Variants in NEK1 observed in about 807,000 individuals in gnomAD.
NEK1 encodes NIMA related kinase 1.
A neutral mutation model predicts 182.1 loss-of-function variants in NEK1; 137 were observed. The observed-to-expected ratio is 0.75, with a 90% CI of 0.65 to 0.87. The LOEUF is 0.87. Ranked by LOEUF, NEK1 falls within the 40% of genes least tolerant of loss-of-function variation. The pLI, the probability that NEK1 is intolerant of heterozygous loss-of-function variation, is 0.00. For missense variants in NEK1, 1,391 were observed against 1,494.4 expected (o/e 0.93, Z 1.14); for synonymous variants, 513 against 492.2 (o/e 1.04, Z -0.56).
chr4:169,560,379 A>T (rs990602562), intron 16 of NEK1, among the ~76,000 whole-genome samples: 3 of 152,224 alleles, frequency 2.0e-5, no homozygotes, highest in Admixed American at 6.5e-5. Flanking sequence ...GTTTTGCCAC[A>T]TGAATGTTTA....
Position 169,599,101 on chromosome 4 carries a change from T to C in NEK1, c.311A>G (p.Gln104Arg), listed in dbSNP as rs1221097220. 3 of 1,611,654 alleles carry C rather than the reference T, an allele frequency of 1.9e-6. No homozygotes were observed. Among genetic ancestry groups the C allele is most frequent in the South Asian group, 2.2e-5 (2 of 90,936 alleles). ...AQKGVLFQED[Q>R]ILDWFVQICL... ...TCAATTTCCTAAATGCAAACTTACCTGATCCTCTTGAAACAAAACGCCTTT... is the reference window on the plus strand; with the variant it reads ...TCAATTTCCTAAATGCAAACTTACCCGATCCTCTTGAAACAAAACGCCTTT... Residue 104 changes from glutamine to arginine, a missense_variant and splice_region_variant, in exon 5 of 36, where the codon CAG becomes CGG. Gln to Arg is a conservative substitution (Grantham distance 43). Coordinates refer to ENST00000507142, the MANE Select transcript of NEK1 (RefSeq NM_001199397.3).
At chr4:169,506,969 T>A in intron 23 of NEK1, 68 bp downstream of exon 23, 1 of 981,894 alleles carries the variant, frequency 1.0e-6, no homozygotes, top group Non-Finnish European at 1.5e-6. Flanking sequence ...ATAATACTGA[T>A]GTACTACCCA....
intron 12 of NEK1, among the ~76,000 whole-genome samples, chr4:169,572,771 T>A (rs1765075741): frequency 6.6e-6 from 1 of 152,008 alleles, no homozygotes; most frequent in African/African-American, 2.4e-5. Context: ...GGCAATCAAG[T>A]GAGTCAAAAA....
chr4:169,499,616 C>A (rs1220089269), intron 23 of NEK1, among the ~76,000 whole-genome samples: 1 of 152,176 alleles, frequency 6.6e-6, no homozygotes, highest in African/African-American at 2.4e-5. Flanking sequence ...GTTTTCCCCC[C>A]AACAGTCAGG....
Position 169,433,528 on chromosome 4 carries a change from G to A in NEK1, c.2885+17C>T. 2.5e-6 allele frequency: 4 copies of A among 1,590,448 alleles called. No homozygotes were observed. Among genetic ancestry groups the A allele is most frequent in the Non-Finnish European group, 2.6e-6 (3 of 1,171,556 alleles). On this transcript the variant is annotated intron_variant, in intron 29 of 35. Coordinates refer to ENST00000507142, the MANE Select transcript of NEK1 (RefSeq NM_001199397.3). Reference sequence around the variant, plus strand: ...AAGGGACCTGGGTTTTAAAATGTCAGGAAAAGATGTACATACTGAGTTTCC... The same window carrying A: ...AAGGGACCTGGGTTTTAAAATGTCAAGAAAAGATGTACATACTGAGTTTCC...
intron 16 of NEK1, among the ~76,000 whole-genome samples, chr4:169,557,893 T>G (rs566318393): frequency 1.3e-4 from 20 of 152,250 alleles, no homozygotes; most frequent in African/African-American, 4.1e-4. Flanking sequence ...ATCCCACCAC[T>G]GCAATCTAGC....
At chr4:169,431,555 C>T (rs558367129) in intron 29 of NEK1, among the ~76,000 whole-genome samples, 19 of 151,854 alleles carry the variant, frequency 1.3e-4, no homozygotes, top group African/African-American at 4.3e-4. Context: ...CAAACAGACT[C>T]AAATCTATAA....
chr4:169,437,931 A>C (rs1738725723), intron 28 of NEK1, among the ~76,000 whole-genome samples, 152 bp downstream of exon 28: 1 of 152,246 alleles, frequency 6.6e-6, no homozygotes, highest in Non-Finnish European at 1.5e-5. Context: ...AGTCATAAAA[A>C]AAAGACCAAT....
At chr4:169,443,097 A>ATCTC (rs1289435417) in intron 27 of NEK1, among the ~76,000 whole-genome samples, 6 of 148,370 alleles carry the variant, frequency 4.0e-5, no homozygotes, top group African/African-American at 1.5e-4. Context: ...CTATCTATCT[A>ATCTC]TCTATCTCAT....
chr4:169,463,328 A>G lies in NEK1; in HGVS notation c.2502T>C (p.Ser834=). The G allele has an allele frequency of 6.2e-7, 1 of 1,610,466 alleles. No homozygotes were observed. Among genetic ancestry groups the G allele is most frequent in the African/African-American group, 1.3e-5 (1 of 74,930 alleles). Residue 834 remains serine, a synonymous_variant, in exon 27 of 36, where the codon AGT becomes AGC. Coordinates refer to ENST00000507142, the MANE Select transcript of NEK1 (RefSeq NM_001199397.3). ...NGSPRRAWGK[S]PTDSVLKILG... Reference sequence around the variant, plus strand: ...GTATCTTTAGAACAGAATCTGTCGGACTTTTCCCCCAGGCTCTTCTTGGAG... The same window carrying G: ...GTATCTTTAGAACAGAATCTGTCGGGCTTTTCCCCCAGGCTCTTCTTGGAG...
chr4:169,578,623 A>G (rs1766097705), intron 11 of NEK1, among the ~76,000 whole-genome samples: 1 of 152,226 alleles, frequency 6.6e-6, no homozygotes, highest in Non-Finnish European at 1.5e-5. Flanking sequence ...AGTTATGCAT[A>G]TATCATCACA....
At chr4:169,507,866 A>G in intron 21 of NEK1, 74 bp from the exon 22 acceptor site, 1 of 1,078,114 alleles carries the variant, frequency 9.3e-7, no homozygotes, top group East Asian at 2.4e-5. Flanking sequence ...GTGAAAGATA[A>G]CAATGAATAA....
chr4:169,403,878 A>T (rs1008230728), intron 32 of NEK1, among the ~76,000 whole-genome samples: 6 of 151,414 alleles, frequency 4.0e-5, no homozygotes, highest in East Asian at 1.9e-4. Flanking sequence ...AGACAAAAAA[A>T]AATAATAATA....
chr4:169,425,793 C>T (rs896199382), intron 30 of NEK1, among the ~76,000 whole-genome samples: 1 of 152,188 alleles, frequency 6.6e-6, no homozygotes, highest in Non-Finnish European at 1.5e-5. Flanking sequence ...GCTGGGATTA[C>T]AGGTGTAAGC....
intron 27 of NEK1, among the ~76,000 whole-genome samples, chr4:169,439,747 T>C (rs1458148956): frequency 6.6e-6 from 1 of 151,904 alleles, no homozygotes; most frequent in East Asian, 1.9e-4. Flanking sequence ...GAAAGCTTAA[T>C]AGATTTAGTA....
intron 27 of NEK1, among the ~76,000 whole-genome samples, chr4:169,451,952 A>G (rs1741877374): frequency 6.6e-6 from 1 of 152,366 alleles, no homozygotes; most frequent in Admixed American, 6.5e-5. Flanking sequence ...TAAAGGGGAT[A>G]TCACCACCAA....
At chr4:169,607,611 T>C (rs560066507) in intron 2 of NEK1, among the ~76,000 whole-genome samples, 108 of 152,096 alleles carry the variant, frequency 7.1e-4, no homozygotes, top group South Asian at 4.8e-3. Context: ...TACAGGCGCC[T>C]GCCACCACGC....
intron 27 of NEK1, among the ~76,000 whole-genome samples, chr4:169,459,108 C>A (rs1187659130): frequency 2.7e-5 from 4 of 150,874 alleles, no homozygotes; most frequent in African/African-American, 7.3e-5. Flanking sequence ...GATACTCAAT[C>A]CGTATTTGCA....
At chr4:169,493,323 AG>A (rs1251652697) in intron 23 of NEK1, among the ~76,000 whole-genome samples, 2 of 152,250 alleles carry the variant, frequency 1.3e-5, no homozygotes, top group African/African-American at 2.4e-5. Flanking sequence ...ATCCAAAAAA[AG>A]AATTGTCAGC....
Sources: allele counts gnomAD v4.1 joint callset (sites outside exome capture counted in the v4.1 genomes callset), GRCh38; gene constraint gnomAD v4.1.1; transcripts MANE v1.5; gene names NCBI Gene and HGNC (gene_info 2026-07-23, HGNC 2026-07-21).